VPS13C: variants seen among roughly 807,000 people sequenced by gnomAD.
VPS13C encodes vacuolar protein sorting 13 homolog C.
VPS13C carries 358 observed loss-of-function variants against 456.8 expected under a neutral mutation model. The ratio of observed to expected loss-of-function variants is 0.78; its 90% CI spans 0.72 to 0.86. VPS13C has a LOEUF of 0.86. Among genes scored for constraint, VPS13C ranks in the 40% least tolerant of loss-of-function variants. The probability of loss-of-function intolerance (pLI) is 0.00; values close to 1 mark genes in which losing one functional copy is unlikely to be tolerated. For synonymous variants in VPS13C, 1,578 were observed against 1,486.7 expected, an observed-to-expected ratio of 1.06 and a Z score of -1.41; for missense variants, 4,818 against 4,385.4, an observed-to-expected ratio of 1.10 and a Z score of -2.79.
At chr15:62,027,999 G>A (rs931368049) in intron 6 of VPS13C, among the ~76,000 whole-genome samples, 5 of 151,966 alleles carry the variant, frequency 3.3e-5, no homozygotes, top group African/African-American at 1.2e-4. Context: ...CTATCAGAGA[G>A]GAACTGCTTA....
At chr15:61,984,806 C>T in intron 19 of VPS13C, 51 bp downstream of exon 19, 1 of 1,562,486 alleles carries the variant, frequency 6.4e-7, no homozygotes, top group Non-Finnish European at 8.7e-7. Context: ...ACATTTTTTG[C>T]CTAAAACTAT....
chr15:62,015,473 T>G (rs1169600882), intron 9 of VPS13C, among the ~76,000 whole-genome samples: 1 of 151,648 alleles, frequency 6.6e-6, no homozygotes. Flanking sequence ...TCTTCTAGGG[T>G]TTTTATGGTT....
intron 1 of VPS13C, among the ~76,000 whole-genome samples, chr15:62,047,520 T>C (rs1466000733): frequency 6.6e-6 from 1 of 152,062 alleles, no homozygotes; most frequent in Admixed American, 6.6e-5. Context: ...GTGAATGTTA[T>C]CTAACAAACA....
chr15:61,920,137 C>T lies in VPS13C; in HGVS notation c.7407G>A (p.Met2469Ile), dbSNP rs2140177500. ...ATAGGTTCCCTTGACTTGAAGGTACCATGCTGGCATACTCCAGTTCCAAAT... is the reference window on the plus strand; with the variant it reads ...ATAGGTTCCCTTGACTTGAAGGTACTATGCTGGCATACTCCAGTTCCAAAT... ...GQNLELEYAS[M>I]VPSSQGNLSI... Residue 2469 changes from methionine to isoleucine, a missense_variant, in exon 57 of 85, where the codon ATG (methionine) becomes ATA (isoleucine). Transcript: ENST00000644861. 1.2e-6 allele frequency: 2 copies of T among 1,613,368 alleles called. No individual in the cohort carries two copies. The highest frequency in any genetic ancestry group is 4.5e-5 in the East Asian group (2 of 44,862).
chr15:62,004,014 T>C (rs1368454678), intron 15 of VPS13C, among the ~76,000 whole-genome samples: 1 of 151,826 alleles, frequency 6.6e-6, no homozygotes, highest in African/African-American at 2.4e-5. Flanking sequence ...GGCTTTGGTA[T>C]CAGGATGATG....
chr15:62,016,426 C>A (rs543119515), intron 9 of VPS13C, among the ~76,000 whole-genome samples: 12 of 119,904 alleles, frequency 1.0e-4, no homozygotes, highest in East Asian at 9.0e-4. Context: ...CCCCCCTCCC[C>A]CGACCCCACA....
chr15:61,940,864 T>C, intron 46 of VPS13C, 70 bp from the exon 47 acceptor site: 1 of 1,457,312 alleles, frequency 6.9e-7, no homozygotes, highest in Non-Finnish European at 9.2e-7. Context: ...TCCTATTGTG[T>C]AACAGTTTCC....
In VPS13C at chr15:62,007,299, A is replaced by G. The variant is rs752437127; in HGVS notation, c.1290+9T>C. 5.0e-6 allele frequency: 8 copies of G among 1,593,164 alleles called. No homozygotes were observed. In the African/African-American group the frequency reaches 1.1e-4, roughly 21 times the overall value. ...AATAATAGCTCTCACTAATATATGC[A>G]AGATATACCTGAATTTCTTTCTGTA... is the stretch of plus-strand genomic sequence containing the variant. On this transcript the variant is annotated intron_variant, in intron 15 of 84. Transcript: ENST00000644861.
Position 61,929,764 on chromosome 15 carries a change from C to T in VPS13C, c.6039-16G>A, listed in dbSNP as rs779952442. ...GTCAATCATTCTGAAAAAAAACATG[C>T]TATTCATTATTTTATTCTTGCTAAA... On this transcript the variant is annotated splice_polypyrimidine_tract_variant and intron_variant, in intron 50 of 84. Transcript: ENST00000644861. 13 of 1,597,610 alleles carry T rather than the reference C, an allele frequency of 8.1e-6. No homozygotes were observed. The highest frequency in any genetic ancestry group is 1.1e-5 in the Non-Finnish European group (13 of 1,169,196).
In VPS13C at chr15:61,885,191, A is replaced by T. The variant is rs117963733; in HGVS notation, c.9342-922T>A. Among the ~76,000 whole-genome samples the T allele has an allele frequency of 8.1e-4, 123 of 152,246 alleles. 1 individual carries two copies. The East Asian group carries it at 0.022, about 27-fold the overall frequency. On this transcript the variant is annotated intron_variant, in intron 67 of 84. Coordinates refer to ENST00000644861, the MANE Select transcript of VPS13C (RefSeq NM_020821.3). Reference sequence around the variant, plus strand: ...ACATCTTGATACTACCTGAGATTCAAACATTAGCTGTCTTCAAAATTGACT... The same window carrying T: ...ACATCTTGATACTACCTGAGATTCATACATTAGCTGTCTTCAAAATTGACT...
chr15:61,953,958 C>T (rs977314769), intron 38 of VPS13C, among the ~76,000 whole-genome samples: 7 of 152,100 alleles, frequency 4.6e-5, no homozygotes, highest in African/African-American at 1.7e-4. Flanking sequence ...TGTCACTGGG[C>T]ATATACAATA....
chr15:61,901,255 C>G (rs2042986580), intron 66 of VPS13C, among the ~76,000 whole-genome samples: 1 of 152,130 alleles, frequency 6.6e-6, no homozygotes, highest in Non-Finnish European at 1.5e-5. Context: ...ACAAAATTGA[C>G]AAATGGGATC....
At chr15:61,859,142 G>A (rs1010963267) in intron 82 of VPS13C, among the ~76,000 whole-genome samples, 4 of 152,086 alleles carry the variant, frequency 2.6e-5, no homozygotes, top group Non-Finnish European at 1.5e-5. Context: ...AGGCCAAGGT[G>A]GGAGGACTGC....
Position 61,991,031 on chromosome 15 carries a change from T to C in VPS13C, c.1547A>G (p.Glu516Gly). The stretch of plus-strand genomic sequence containing the variant: ...AGGTAAAGTTAGGTTGTGGGTACTC[T>C]CACTATAACCAATGGCAGTGAAGAG... ...DKLFTAIGYS[E>G]STHNLTLPKQ... Residue 516 changes from glutamate to glycine, a missense_variant, in exon 18 of 85, where the codon GAG (glutamate) becomes GGG (glycine). By Grantham distance (98) the Glu-to-Gly change is moderately conservative. This residue lies in a region of VPS13C where 4,552 missense variants were observed against 4,130.6 expected (regional missense o/e 1.10). Transcript: ENST00000644861. The C allele has an allele frequency of 1.9e-6, 3 of 1,612,828 alleles. No individual in the cohort carries two copies. Among genetic ancestry groups the C allele is most frequent in the Non-Finnish European group, 2.5e-6 (3 of 1,179,544 alleles).
chr15:62,027,309 T>C (rs889927126), intron 6 of VPS13C, among the ~76,000 whole-genome samples: 1 of 152,108 alleles, frequency 6.6e-6, no homozygotes, highest in Non-Finnish European at 1.5e-5. Flanking sequence ...CTGCTGTTTT[T>C]AACAATGCTA....
intron 6 of VPS13C, among the ~76,000 whole-genome samples, chr15:62,025,511 G>T (rs2047607748): frequency 6.6e-6 from 1 of 151,982 alleles, no homozygotes; most frequent in Admixed American, 6.6e-5. Context: ...CATTCCACTT[G>T]GCTAGAACAG....
At chr15:61,999,534 T>C (rs1369586416) in intron 16 of VPS13C, among the ~76,000 whole-genome samples, 1 of 152,176 alleles carries the variant, frequency 6.6e-6, no homozygotes, top group African/African-American at 2.4e-5. Context: ...TGGACATCTG[T>C]AACTATAAAA....
At chr15:61,855,019 TAATTGTATACTTA>T (rs1403250365) in intron 83 of VPS13C, 65 bp from the exon 84 acceptor site, 33 of 1,314,606 alleles carry the variant, frequency 2.5e-5, no homozygotes, top group Non-Finnish European at 3.1e-6. Flanking sequence ...TCCTAACTTT[TAATTGTATACTTA>T]AATGTCAACT....
At position 62,012,088 on chromosome 15, in the gene VPS13C, A is replaced by C; in HGVS notation, c.883+19T>G. The C allele has an allele frequency of 7.3e-7, 1 of 1,362,938 alleles. No individual in the cohort carries two copies. Among genetic ancestry groups the C allele is most frequent in the African/African-American group, 1.5e-5 (1 of 68,774 alleles). The allele number at this position is 1,362,938 out of a possible 1,614,324, so 84.4% of individuals were successfully genotyped here. A position where few individuals can be genotyped will look rare whatever the true frequency, so the allele number is the denominator to read the frequency against. ...ATGTTTCTTCCTATAACATGAAATA[A>C]ACTTTTACTATTACTTACTGTATTG... On this transcript the variant is annotated intron_variant, in intron 12 of 84. Transcript: ENST00000644861.
Sources: gnomAD v4.1 joint callset for allele counts (sites outside exome capture counted in the v4.1 genomes callset) on GRCh38, gnomAD v4.1.1 for gene constraint, gnomAD v4.1.1 regional missense constraint, MANE v1.5 for transcripts, NCBI Gene and HGNC (gene_info 2026-07-23, HGNC 2026-07-21) for gene names.